The following ANO1 variants were observed in gnomAD, a reference collection of about 807,000 sequenced individuals.
ANO1 encodes the protein anoctamin-1.
A neutral mutation model predicts 124.0 loss-of-function variants in ANO1; 59 were observed. That is an observed-to-expected ratio of 0.48 (90% CI 0.39 to 0.59). The LOEUF is 0.59. Among genes scored for constraint, ANO1 ranks in the 20% least tolerant of loss-of-function variants. The pLI, the probability that ANO1 is intolerant of heterozygous loss-of-function variation, is 0.00. For missense variants in ANO1, 1,059 were observed against 1,328.0 expected, an observed-to-expected ratio of 0.80 and a Z score of 3.15; for synonymous variants, 529 against 532.0, an observed-to-expected ratio of 0.99 and a Z score of 0.08.
intron 2 of ANO1, among the ~76,000 whole-genome samples, chr11:70,095,338 GAGAA>G (rs2044850609): frequency 9.9e-6 from 1 of 101,450 alleles, no homozygotes; most frequent in Admixed American, 1.1e-4. Flanking sequence ...AGAAAGGAAA[GAGAA>G]AGAAAAAGAA....
chr11:70,037,884 T>C (rs1041659068), intron 1 of ANO1, among the ~76,000 whole-genome samples: 1 of 152,194 alleles, frequency 6.6e-6, no homozygotes, highest in Non-Finnish European at 1.5e-5. Context: ...AACTTGTCTA[T>C]GGTCACTCAT....
intron 2 of ANO1, among the ~76,000 whole-genome samples, chr11:70,101,239 G>A (rs183526213): frequency 1.3e-5 from 2 of 152,092 alleles, no homozygotes; most frequent in Admixed American, 1.3e-4. Flanking sequence ...GGCTTCCACC[G>A]AGGCTCTCGC....
At chr11:70,151,364 C>T (rs2047596474) in intron 12 of ANO1, among the ~76,000 whole-genome samples, 1 of 152,194 alleles carries the variant, frequency 6.6e-6, no homozygotes, top group African/African-American at 2.4e-5. Context: ...CACAGCTCTG[C>T]AGGGCAGAGC....
intron 1 of ANO1, among the ~76,000 whole-genome samples, chr11:70,067,233 C>A (rs1250395422): frequency 6.6e-6 from 1 of 152,130 alleles, no homozygotes; most frequent in Non-Finnish European, 1.5e-5. Flanking sequence ...GAGCATCCCA[C>A]CTGCCGTGTC....
the ANO1 span, among the ~76,000 whole-genome samples, chr11:69,978,656 C>T: frequency 1.3e-5 from 2 of 152,172 alleles, no homozygotes; most frequent in Non-Finnish European, 2.9e-5. Context: ...CTGCCCAGGC[C>T]TCCTTCTTGA....
Position 70,006,419 on chromosome 11 carries a change from G to A in ANO1, c.58+20253G>A, listed in dbSNP as rs1462458522. ...AGTCCAGGGACTGCCTGGGGTGGGC[G>A]CGCCCAGGCTGACATGATGCTTGCC... is the stretch of plus-strand genomic sequence containing the variant. On this transcript the variant is annotated intron_variant, in intron 1 of 27. Transcript: ENST00000531349. Among the ~76,000 whole-genome samples, 7 of 151,956 alleles carry A rather than the reference G, an allele frequency of 4.6e-5. No homozygotes were observed. The South Asian group carries it at 6.2e-4, about 13-fold the overall frequency.
chr11:70,031,799 G>A (rs1469427911), intron 1 of ANO1, among the ~76,000 whole-genome samples: 3 of 152,168 alleles, frequency 2.0e-5, no homozygotes, highest in Non-Finnish European at 4.4e-5. Flanking sequence ...CGACTCTCAG[G>A]CATCAATTTC....
At chr11:69,968,782 G>A in the ANO1 span, among the ~76,000 whole-genome samples, 10 of 152,306 alleles carry the variant, frequency 6.6e-5, no homozygotes, top group South Asian at 4.1e-4. Context: ...CCTCTCTTTC[G>A]TGGACAGGAT....
intron 1 of ANO1, among the ~76,000 whole-genome samples, chr11:69,989,113 C>T (rs1296846071): frequency 6.6e-6 from 1 of 152,084 alleles, no homozygotes; most frequent in African/African-American, 2.4e-5. Flanking sequence ...CATGTACAAT[C>T]CCCACTCACT....
intron 1 of ANO1, among the ~76,000 whole-genome samples, chr11:70,039,426 T>C (rs144396496): frequency 0.011 from 1,625 of 152,358 alleles, 13 homozygotes; most frequent in Non-Finnish European, 0.014. Flanking sequence ...TCCTCAATTA[T>C]GCCCTATGCT....
chr11:70,125,578 C>T (rs1315502803), intron 9 of ANO1, among the ~76,000 whole-genome samples: 1 of 150,970 alleles, frequency 6.6e-6, no homozygotes, highest in African/African-American at 2.4e-5. Flanking sequence ...GGCACGGTGG[C>T]TCACGCCTGT....
chr11:69,970,162 G>A, the ANO1 span, among the ~76,000 whole-genome samples: 2 of 152,134 alleles, frequency 1.3e-5, no homozygotes, highest in South Asian at 2.1e-4. Context: ...GGAAGGGGAG[G>A]GCAAAGGAGG....
chr11:70,051,084 T>A (rs1294384936), intron 1 of ANO1, among the ~76,000 whole-genome samples: 1 of 152,116 alleles, frequency 6.6e-6, no homozygotes, highest in East Asian at 1.9e-4. Flanking sequence ...TTTGATGAAT[T>A]TTTACAACAT....
chr11:70,004,092 C>T (rs1346581236), intron 1 of ANO1, among the ~76,000 whole-genome samples: 3 of 152,162 alleles, frequency 2.0e-5, no homozygotes, highest in African/African-American at 4.8e-5. Flanking sequence ...AGGAGCCCAC[C>T]AGGGGCTCCT....
At chr11:70,112,169 C>T (rs147196955) in intron 7 of ANO1, among the ~76,000 whole-genome samples, 3 of 152,356 alleles carry the variant, frequency 2.0e-5, no homozygotes, top group Non-Finnish European at 4.4e-5. Flanking sequence ...GCTGAATCTC[C>T]AGATCCCACT....
intron 1 of ANO1, among the ~76,000 whole-genome samples, chr11:70,029,115 T>G (rs1856957971): frequency 1.3e-5 from 2 of 152,336 alleles, no homozygotes; most frequent in South Asian, 4.1e-4. Flanking sequence ...AGGGCTCTGC[T>G]GGGTCCCTGG....
intron 1 of ANO1, among the ~76,000 whole-genome samples, chr11:70,057,578 GAAAATTACAGTTA>G (rs1857469276): frequency 6.6e-6 from 1 of 152,118 alleles, no homozygotes; most frequent in Non-Finnish European, 1.5e-5. Context: ...GTAGGCAGTG[GAAAATTACAGTTA>G]AAGGGGGTTT....
At position 70,085,361 on chromosome 11, in the gene ANO1, C is replaced by T. The variant is rs1036947647; in HGVS notation, c.109-2391C>T. 65 of 1,440,960 alleles carry T rather than the reference C, an allele frequency of 4.5e-5. No homozygotes were observed. In the African/African-American group the frequency reaches 6.2e-4, roughly 14 times the overall value. The allele number at this position is 1,440,960 out of a possible 1,614,324, so 89.3% of individuals were successfully genotyped here. On this transcript the variant is annotated intron_variant, in intron 1 of 25. Coordinates refer to ENST00000355303, the MANE Select transcript of ANO1 (RefSeq NM_018043.7). ...AGCCACCCACCCACATGGGCGTGGTCGTGGCCCCTAAGCACCCTCAGACTT... is the reference window on the plus strand; with the variant it reads ...AGCCACCCACCCACATGGGCGTGGTTGTGGCCCCTAAGCACCCTCAGACTT...
chr11:70,017,190 C>G (rs1856717431), intron 1 of ANO1, among the ~76,000 whole-genome samples: 1 of 152,136 alleles, frequency 6.6e-6, no homozygotes, highest in Admixed American at 6.5e-5. Context: ...CTTAGCGGTC[C>G]GAACAAAGGC....
Sources: allele counts gnomAD v4.1 joint callset (sites outside exome capture counted in the v4.1 genomes callset), GRCh38; gene constraint gnomAD v4.1.1; transcripts MANE v1.5; gene names NCBI Gene and HGNC (gene_info 2026-07-23, HGNC 2026-07-21).